UTP4: variants seen among roughly 807,000 people sequenced by gnomAD.
The protein encoded by UTP4 is U3 small nucleolar RNA-associated protein 4 homolog.
Under a neutral mutation model 82.4 loss-of-function variants are expected in UTP4, and 45 were observed. The observed-to-expected ratio is 0.55, with a 90% CI of 0.43 to 0.70. The LOEUF (loss-of-function observed/expected upper bound fraction) is 0.70, where lower values mean the gene tolerates loss of function less well. Ranked by LOEUF, UTP4 falls within the 30% of genes least tolerant of loss-of-function variation. UTP4 has a pLI of 0.00. For synonymous variants in UTP4, 348 were observed against 300.3 expected, an observed-to-expected ratio of 1.16 and a Z score of -1.64; for missense variants, 819 against 858.3, an observed-to-expected ratio of 0.95 and a Z score of 0.57.
intron 10 of UTP4, 59 bp downstream of exon 10, chr16:69,154,516 C>A: frequency 8.0e-7 from 1 of 1,249,396 alleles, no homozygotes; most frequent in Non-Finnish European, 1.2e-6. Context: ...TCATAATTCC[C>A]ATTCTGAATT....
chr16:69,150,627 T>C lies in UTP4; in HGVS notation c.829T>C (p.Trp277Arg). ...GACATCTAACAGCAGTGAGAAGCAG[T>C]GGGTGCGGACAAAACCGTTCCAGCA... is the stretch of plus-strand genomic sequence containing the variant. ...PVTSNSSEKQ[W>R]VRTKPFQHHT... Residue 277 changes from tryptophan to arginine, a missense_variant, in exon 7 of 17, where the codon TGG (tryptophan) becomes CGG (arginine). Transcript: ENST00000314423. The C allele has an allele frequency of 6.2e-7, 1 of 1,614,224 alleles. No individual in the cohort carries two copies. Among genetic ancestry groups the C allele is most frequent in the East Asian group, 2.2e-5 (1 of 44,886 alleles).
chr16:69,139,639 AAAATAAATAAATAAATAAAT>A (rs60340195), intron 4 of UTP4, 166 bp from the exon 5 acceptor site: 12 of 167,092 alleles, frequency 7.2e-5, no homozygotes, highest in East Asian at 1.6e-4. Context: ...CTCCGTCTCA[AAAATAAATAAATAAATAAAT>A]AAATAAATAA....
At position 69,154,469 on chromosome 16, in the gene UTP4, T is replaced by G. The variant is rs1294779320; in HGVS notation, c.1164+12T>G. 1 of 1,598,956 alleles carries G rather than the reference T, an allele frequency of 6.3e-7. No individual in the cohort carries two copies. The highest frequency in any genetic ancestry group is 1.7e-5 in the Admixed American group (1 of 59,988). Reference sequence around the variant, plus strand: ...ACCTAAAGACAAAGGTAAGGAAGTTTGTTTAGGCTCTGAATTCTAGAGCCT... The same window carrying G: ...ACCTAAAGACAAAGGTAAGGAAGTTGGTTTAGGCTCTGAATTCTAGAGCCT... On this transcript the variant is annotated intron_variant, in intron 10 of 16. Transcript: ENST00000314423.
chr16:69,165,614 C>A (rs555871326), intron 15 of UTP4, 88 bp downstream of exon 15: 2 of 1,116,328 alleles, frequency 1.8e-6, no homozygotes, highest in Admixed American at 1.9e-5. Context: ...AGGACAGAGA[C>A]TCAGAATAAA....
At chr16:69,160,569 ACTTTTTT>A in intron 13 of UTP4, 107 bp downstream of exon 13, 1 of 781,984 alleles carries the variant, frequency 1.3e-6, no homozygotes, top group Non-Finnish European at 2.2e-6. Flanking sequence ...AATTTATTAG[ACTTTTTT>A]CTTTTTATTT....
rs375859741 is a variant in UTP4, at chr16:69,165,472, G to C, written c.1779G>C (p.Pro593=). The C allele has an allele frequency of 1.2e-6, 2 of 1,613,956 alleles. No homozygotes were observed. The highest frequency in any genetic ancestry group is 1.7e-6 in the Non-Finnish European group (2 of 1,179,986). ...ITHISFHPKR[P]MHILLHDAYM... is the part of the protein sequence containing the mutation. The stretch of plus-strand genomic sequence containing the variant: ...ACATCAGTTTTCATCCCAAGAGACC[G>C]ATGCACATCCTTCTCCATGATGCCT... Residue 593 remains proline, a synonymous_variant, in exon 15 of 17, where the codon CCG becomes CCC. Coordinates refer to ENST00000314423, the MANE Select transcript of UTP4 (RefSeq NM_032830.3).
intron 2 of UTP4, among the ~76,000 whole-genome samples, chr16:69,135,137 A>G (rs1037331648): frequency 4.6e-5 from 7 of 151,186 alleles, no homozygotes; most frequent in African/African-American, 1.5e-4. Context: ...TGAACTTCCA[A>G]TTTTATGAGG....
At chr16:69,136,973 G>A (rs1288215985) in intron 3 of UTP4, 86 bp downstream of exon 3, 88 of 1,153,412 alleles carry the variant, frequency 7.6e-5, no homozygotes, top group Non-Finnish European at 6.2e-5. Flanking sequence ...GGAGAGTAAC[G>A]ATATATTATG....
chr16:69,164,783 G>C (rs572655600), intron 14 of UTP4, among the ~76,000 whole-genome samples: 137 of 152,008 alleles, frequency 9.0e-4, no homozygotes, highest in African/African-American at 2.8e-3. Flanking sequence ...GGACTATTCT[G>C]TGTTTCAGAA....
chr16:69,163,884 GT>G (rs1216606701), intron 14 of UTP4, among the ~76,000 whole-genome samples: 115 of 126,240 alleles, frequency 9.1e-4, no homozygotes, highest in South Asian at 5.3e-3. Context: ...TGGTCAGTTT[GT>G]TTTTTTTTTT....
chr16:69,141,259 T>C (rs573439428), intron 5 of UTP4, among the ~76,000 whole-genome samples: 1 of 152,378 alleles, frequency 6.6e-6, no homozygotes, highest in African/African-American at 2.4e-5. Flanking sequence ...TCTCGGGATC[T>C]CCTTTGCTTC....
chr16:69,166,900 T>C (rs1194252490), intron 15 of UTP4, 175 bp from the exon 16 acceptor site: 1 of 603,754 alleles, frequency 1.7e-6, no homozygotes, highest in African/African-American at 1.9e-5. Flanking sequence ...CCCTAGTTTT[T>C]CTGAATAGAG....
intron 13 of UTP4, among the ~76,000 whole-genome samples, chr16:69,160,874 G>T (rs1186205391): frequency 6.6e-6 from 1 of 152,000 alleles, no homozygotes; most frequent in African/African-American, 2.4e-5. Flanking sequence ...AGGATTACAG[G>T]CATGAGCCAC....
At position 69,150,522 on chromosome 16, in the gene UTP4, GATTTA is replaced by G. The variant is rs1963232396; in HGVS notation, c.739-11_739-7del. On this transcript the variant is annotated splice_polypyrimidine_tract_variant and intron_variant, in intron 6 of 16. Coordinates refer to ENST00000314423, the MANE Select transcript of UTP4 (RefSeq NM_032830.3). Reference sequence around the variant, plus strand: ...TTTTGCTTACGTGTACCTCCCTCATGATTTAATTCCTCAGCAAGAAGACAGTTTCG... The same window carrying G: ...TTTTGCTTACGTGTACCTCCCTCATGATTCCTCAGCAAGAAGACAGTTTCG... The G allele has an allele frequency of 1.2e-6, 2 of 1,614,144 alleles. No individual in the cohort carries two copies.
intron 12 of UTP4, among the ~76,000 whole-genome samples, chr16:69,158,091 T>C (rs1024215794): frequency 6.2e-5 from 9 of 145,916 alleles, no homozygotes; most frequent in Non-Finnish European, 1.3e-4. Flanking sequence ...GCCTTTCACC[T>C]CTCCCTTGTC....
intron 2 of UTP4, 61 bp downstream of exon 2, chr16:69,133,679 G>C: frequency 5.2e-6 from 8 of 1,545,454 alleles, no homozygotes; most frequent in Non-Finnish European, 6.3e-6. Flanking sequence ...AGTTCAAGAA[G>C]CTTGTATGTC....
chr16:69,155,404 A>C (rs1963385424), intron 10 of UTP4, among the ~76,000 whole-genome samples: 1 of 152,032 alleles, frequency 6.6e-6, no homozygotes, highest in Non-Finnish European at 1.5e-5. Flanking sequence ...GGGCTCAAGC[A>C]ATCCTCCACC....
At chr16:69,160,197 A>C (rs1311005790) in intron 12 of UTP4, among the ~76,000 whole-genome samples, 159 bp from the exon 13 acceptor site, 1 of 152,204 alleles carries the variant, frequency 6.6e-6, no homozygotes, top group East Asian at 1.9e-4. Context: ...AAAAAGTAGA[A>C]ACATTAACAT....
chr16:69,135,889 C>T (rs1014501266), intron 2 of UTP4, among the ~76,000 whole-genome samples: 9 of 152,160 alleles, frequency 5.9e-5, no homozygotes, highest in Admixed American at 2.6e-4. Context: ...AATAGCGGGA[C>T]GTGGTGGCAC....
Sources: gnomAD v4.1 joint callset for allele counts (sites outside exome capture counted in the v4.1 genomes callset) on GRCh38, gnomAD v4.1.1 for gene constraint, MANE v1.5 for transcripts, NCBI Gene and HGNC (gene_info 2026-07-23, HGNC 2026-07-21) for gene names.